ABLIM2: variants seen among roughly 807,000 people sequenced by gnomAD.
ABLIM2 encodes the protein actin-binding LIM protein 2.
ABLIM2 carries 53 observed loss-of-function variants against 97.7 expected under a neutral mutation model. The observed-to-expected ratio is 0.54, with a 90% CI of 0.44 to 0.68. The LOEUF (loss-of-function observed/expected upper bound fraction) is 0.68. ABLIM2 is among the 30% of genes least tolerant of loss of function. The pLI, the probability that ABLIM2 is intolerant of heterozygous loss-of-function variation, is 0.00. For synonymous variants in ABLIM2, 361 were observed against 345.8 expected (o/e 1.04, Z -0.49); for missense variants, 835 against 867.2 (o/e 0.96, Z 0.47).
intron 1 of ABLIM2, among the ~76,000 whole-genome samples, chr4:8,116,605 T>C (rs1842912627): frequency 6.6e-6 from 1 of 152,230 alleles, no homozygotes; most frequent in Non-Finnish European, 1.5e-5. Context: ...CAGTTGCAGG[T>C]AGATGCTCAA....
rs142273257 is a variant in ABLIM2 at position 8,044,949 on chromosome 4, G to C, written c.900+215C>G. Among the ~76,000 whole-genome samples the C allele has an allele frequency of 2.0e-5, 3 of 152,208 alleles. No individual in the cohort carries two copies. Among genetic ancestry groups the C allele is most frequent in the Non-Finnish European group, 2.9e-5 (2 of 68,038 alleles). Reference sequence around the variant, plus strand: ...GATAATTGGGGACAGGTTCCCAGGGGAATTGCCGGGTCAAACAAACATGTC... The same window carrying C: ...GATAATTGGGGACAGGTTCCCAGGGCAATTGCCGGGTCAAACAAACATGTC... On this transcript the variant is annotated intron_variant, in intron 9 of 20. Coordinates refer to ENST00000447017, the MANE Select transcript of ABLIM2 (RefSeq NM_001130083.2). The surrounding 1 kb of genome is among the most constrained non-coding windows in gnomAD (Gnocchi z 4.4).
At chr4:8,066,196 A>C (rs1291742557) in intron 6 of ABLIM2, among the ~76,000 whole-genome samples, 3 of 147,914 alleles carry the variant, frequency 2.0e-5, no homozygotes, top group Non-Finnish European at 4.5e-5. Context: ...GTCCCAGCTA[A>C]TCAGGAGGCT....
At position 8,045,209 on chromosome 4, in the gene ABLIM2, A is replaced by G. The variant is rs1383033574; in HGVS notation, c.855T>C (p.Ser285=). The change falls in exon 9 of 21, where the codon TCT becomes TCC. Residue 285 remains serine (S), a synonymous_variant. Coordinates refer to ENST00000447017, the MANE Select transcript of ABLIM2 (RefSeq NM_001130083.2). ...ETRTSSESII[S]VPASSTSGSP... ...ACCCTGAGGTGCTGGAAGCAGGGAC[A>G]GAAATGATGCTCTCTGAGGAAGTTC... 1 of 1,613,914 alleles carries G rather than the reference A, an allele frequency of 6.2e-7. No individual in the cohort carries two copies. Among genetic ancestry groups the G allele is most frequent in the African/African-American group, 1.3e-5 (1 of 74,954 alleles).
chr4:7,984,142 GGTC>G (rs1741371889), intron 18 of ABLIM2, among the ~76,000 whole-genome samples: 1 of 152,172 alleles, frequency 6.6e-6, no homozygotes, highest in Non-Finnish European at 1.5e-5. Flanking sequence ...TACAGAACCT[GGTC>G]CTCAAGCCAG....
intron 2 of ABLIM2, among the ~76,000 whole-genome samples, chr4:8,103,748 A>G (rs1311912572): frequency 6.6e-6 from 1 of 152,210 alleles, no homozygotes; most frequent in Non-Finnish European, 1.5e-5. Context: ...TGCCCAGGTG[A>G]CAGAGGAGGG....
chr4:8,100,096 G>C (rs1431852805), intron 2 of ABLIM2, among the ~76,000 whole-genome samples: 2 of 152,160 alleles, frequency 1.3e-5, no homozygotes, highest in African/African-American at 4.8e-5. Flanking sequence ...TGGCGGCTGG[G>C]GGGAAAAGAT....
At chr4:8,016,038 G>GTTTT (rs1768886406) in intron 14 of ABLIM2, among the ~76,000 whole-genome samples, 1 of 113,000 alleles carries the variant, frequency 8.8e-6, no homozygotes, top group African/African-American at 4.1e-5. Context: ...CTTTTTTGTT[G>GTTTT]TTGTATTTTT....
At chr4:8,102,898 A>G (rs1198650374) in intron 2 of ABLIM2, among the ~76,000 whole-genome samples, 1 of 152,198 alleles carries the variant, frequency 6.6e-6, no homozygotes, top group Non-Finnish European at 1.5e-5. Flanking sequence ...GTTCTGGCCA[A>G]TGAGTCATAT....
intron 9 of ABLIM2, among the ~76,000 whole-genome samples, chr4:8,037,662 C>T (rs888397603): frequency 6.6e-6 from 1 of 152,194 alleles, no homozygotes; most frequent in African/African-American, 2.4e-5. Context: ...CCCTACCAAG[C>T]AAGTTCACAT....
Position 8,112,204 on chromosome 4 carries a change from G to A in ABLIM2, c.11-5567C>T, listed in dbSNP as rs1047900565. ...CACACAACCTTCACAACAAAGGGAC[G>A]TGGCTCTCTCAGGAAATCCCCCTGC... On this transcript the variant is annotated intron_variant, in intron 1 of 20. Transcript: ENST00000447017. The surrounding 1 kb of genome is among the most constrained non-coding windows in gnomAD (Gnocchi z 4.2). Among the ~76,000 whole-genome samples, 9 of 152,170 alleles carry A rather than the reference G, an allele frequency of 5.9e-5. No individual in the cohort carries two copies. The highest frequency in any genetic ancestry group is 2.2e-4 in the African/African-American group (9 of 41,438).
Position 8,140,318 on chromosome 4 carries a change from C to G in ABLIM2, c.10+18362G>C, listed in dbSNP as rs1469049967. Among the ~76,000 whole-genome samples, 1 of 152,134 alleles carries G rather than the reference C, an allele frequency of 6.6e-6. No homozygotes were observed. Among genetic ancestry groups the G allele is most frequent in the Non-Finnish European group, 1.5e-5 (1 of 68,024 alleles). On this transcript the variant is annotated intron_variant, in intron 1 of 20. Transcript: ENST00000447017. The surrounding 1 kb of genome is among the most constrained non-coding windows in gnomAD (Gnocchi z 5.9). ...AATGCTCCCCATCTGGTGAAGGAAA[C>G]AGAGAATGTGGTCAAACACACCACA... is the stretch of plus-strand genomic sequence containing the variant.
rs369921231 is a variant in ABLIM2, at chr4:8,080,690, G to C, written c.567C>G (p.Ala189=). The C allele has an allele frequency of 1.2e-6, 2 of 1,607,734 alleles. No homozygotes were observed. The highest frequency in any genetic ancestry group is 1.7e-6 in the Non-Finnish European group (2 of 1,175,662). The change falls in exon 5 of 21, where the codon GCC becomes GCG. Residue 189 remains alanine, a synonymous_variant. Coordinates refer to ENST00000447017, the MANE Select transcript of ABLIM2 (RefSeq NM_001130083.2). The part of the protein sequence containing the change: ...KCKSCGKLLN[A]EYISKDGLPY... ...CCCCCACTTACTTGCTGATGTACTCGGCATTCAGGAGCTTCCCACAGCTCT... is the reference window on the plus strand; with the variant it reads ...CCCCCACTTACTTGCTGATGTACTCCGCATTCAGGAGCTTCCCACAGCTCT...
At chr4:8,050,228 A>G (rs1264677193) in intron 8 of ABLIM2, among the ~76,000 whole-genome samples, 1 of 152,102 alleles carries the variant, frequency 6.6e-6, no homozygotes, top group Non-Finnish European at 1.5e-5. Context: ...ATGGTCACTC[A>G]TATTTGACTC....
Position 8,072,915 on chromosome 4 carries a change from G to A in ABLIM2, c.675+4713C>T, listed in dbSNP as rs566309072. Among the ~76,000 whole-genome samples the A allele has an allele frequency of 6.6e-5, 10 of 152,248 alleles. No homozygotes were observed. The South Asian group carries it at 1.9e-3, about 28-fold the overall frequency. On this transcript the variant is annotated intron_variant, in intron 6 of 20. Transcript: ENST00000447017. The surrounding 1 kb of genome is among the most constrained non-coding windows in gnomAD (Gnocchi z 5.8). ...TAAGAGGAGGCTTAAAGGCCTTAGG[G>A]TTTCCTGCACACAAAGCCCCCGGAT...
At chr4:8,045,368 G>A in intron 8 of ABLIM2, 127 bp from the exon 9 acceptor site, 1 of 906,016 alleles carries the variant, frequency 1.1e-6, no homozygotes, top group Middle Eastern at 2.6e-4. Flanking sequence ...AGTTGGGGCT[G>A]GGCCGGGCAC....
intron 20 of ABLIM2, among the ~76,000 whole-genome samples, chr4:7,975,430 CT>C (rs1732176896): frequency 6.6e-6 from 1 of 152,212 alleles, no homozygotes. Flanking sequence ...CTTCTCCACA[CT>C]CCTGCGTACT....
chr4:8,101,541 TC>T (rs1166021445), intron 2 of ABLIM2, among the ~76,000 whole-genome samples: 1 of 152,224 alleles, frequency 6.6e-6, no homozygotes, highest in Non-Finnish European at 1.5e-5. Flanking sequence ...CTATTTATAG[TC>T]CCAGATGGAT....
intron 20 of ABLIM2, among the ~76,000 whole-genome samples, chr4:7,969,600 T>C (rs1449913417): frequency 6.6e-6 from 1 of 152,140 alleles, no homozygotes; most frequent in Non-Finnish European, 1.5e-5. Context: ...ACCAAATCTG[T>C]GTGGTATGCC....
rs888217540 is a variant in ABLIM2, at chr4:8,125,878, C to T, written c.11-19241G>A. 2.0e-5 allele frequency among the ~76,000 whole-genome samples: 3 copies of T among 152,210 alleles called. No individual in the cohort carries two copies. The highest frequency in any genetic ancestry group is 6.5e-5 in the Admixed American group (1 of 15,282). On this transcript the variant is annotated intron_variant, in intron 1 of 20. Transcript: ENST00000447017. The surrounding 1 kb of genome is among the most constrained non-coding windows in gnomAD (Gnocchi z 6.2). ...CTGGGCAGGAGGGCGAACTCACACTCGGCTGTGCGTGGGCAGCCTTGGGGG... is the reference window on the plus strand; with the variant it reads ...CTGGGCAGGAGGGCGAACTCACACTTGGCTGTGCGTGGGCAGCCTTGGGGG...
Sources: gnomAD v4.1 joint callset for allele counts (sites outside exome capture counted in the v4.1 genomes callset) on GRCh38, gnomAD v4.1.1 for gene constraint, Gnocchi (gnomAD v3.1) non-coding constraint, MANE v1.5 for transcripts, NCBI Gene and HGNC (gene_info 2026-07-23, HGNC 2026-07-21) for gene names.